The following F5 variants were observed in gnomAD, a reference collection of about 807,000 sequenced individuals.
F5 encodes the protein coagulation factor V.
A neutral mutation model predicts 216.4 loss-of-function variants in F5; 138 were observed. The ratio of observed to expected loss-of-function variants is 0.64; its 90% CI spans 0.56 to 0.73. The LOEUF is 0.73. Ranked by LOEUF, F5 falls within the 30% of genes least tolerant of loss-of-function variation. The pLI is 0.00. For synonymous variants in F5, 916 were observed against 930.7 expected (o/e 0.98, Z 0.29); for missense variants, 2,403 against 2,674.0 (o/e 0.90, Z 2.24).
intron 10 of F5, among the ~76,000 whole-genome samples, chr1:169,547,650 G>A (rs528312271): frequency 1.6e-4 from 25 of 151,824 alleles, no homozygotes; most frequent in Non-Finnish European, 2.5e-4. Flanking sequence ...ATACCATCTC[G>A]CACCAATAAG....
rs1023893069 is a variant in F5, at chr1:169,512,674, T to C, written c.*1639A>G. 1.3e-5 allele frequency among the ~76,000 whole-genome samples: 2 copies of C among 151,964 alleles called. No individual in the cohort carries two copies. Among genetic ancestry groups the C allele is most frequent in the African/African-American group, 4.8e-5 (2 of 41,392 alleles). On this transcript the variant is annotated 3_prime_UTR_variant, in exon 25 of 25. Transcript: ENST00000367797. ...AATCTTAGAAATGTTGATGGGACAA[T>C]GACATGAATCATGAAAAGAAAGGAA...
In F5 at chr1:169,586,255, G is replaced by A; in HGVS notation, c.132C>T (p.Ser44=). The A allele has an allele frequency of 6.2e-7, 1 of 1,614,166 alleles. No individual in the cohort carries two copies. The highest frequency in any genetic ancestry group is 1.3e-5 in the African/African-American group (1 of 75,048). ...TTGAGTTTGTGGGCTCAGGTCGGTA[G>A]CTCCAACTGATGCCCTGAGCAGCCA... The part of the protein sequence containing the change: ...FYVAAQGISW[S]YRPEPTNSSL... The change falls in exon 1 of 25, where the codon AGC becomes AGT. Residue 44 remains serine, a synonymous_variant. Coordinates refer to ENST00000367797, the MANE Select transcript of F5 (RefSeq NM_000130.5).
chr1:169,522,048 C>T (rs1432896967), intron 21 of F5, among the ~76,000 whole-genome samples: 1 of 152,044 alleles, frequency 6.6e-6, no homozygotes, highest in Non-Finnish European at 1.5e-5. Flanking sequence ...AGGGAATATA[C>T]AAACAACTCT....
At chr1:169,567,270 T>G (rs1660624197) in intron 3 of F5, among the ~76,000 whole-genome samples, 1 of 151,906 alleles carries the variant, frequency 6.6e-6, no homozygotes, top group African/African-American at 2.4e-5. Context: ...CATTGGGAGA[T>G]ATACCTAATG....
rs766618784 is a variant in F5 at position 169,541,621 on chromosome 1, G to A, written c.3469C>T (p.Leu1157Phe). The change falls in exon 13 of 25, where the codon CTT (leucine) becomes TTT (phenylalanine). Residue 1157 changes from leucine (L) to phenylalanine (F), a missense_variant. By Grantham distance (22) the Leu-to-Phe change is conservative (BLOSUM62 0). This residue lies in a region of F5 where 1,425 missense variants were observed against 1,554.8 expected (regional missense o/e 0.92). Transcript: ENST00000367797. The part of the protein sequence containing the change: ...RSSSPELSEM[L>F]EYDRSHKSFP... ...GACTTGTGACTTCGGTCATACTCAA[G>A]CATTTCACTGAGCTCTGGAGAAGAG... 3.1e-6 allele frequency: 5 copies of A among 1,614,142 alleles called. No individual in the cohort carries two copies. The highest frequency in any genetic ancestry group is 4.2e-6 in the Non-Finnish European group (5 of 1,179,996).
In F5 at chr1:169,550,122, CTTTTA is replaced by C. The variant is rs367639184; in HGVS notation, c.1397-112_1397-108del. The C allele has an allele frequency of 1.2e-4, 104 of 893,252 alleles. 1 individual carries two copies. In the South Asian group the frequency reaches 1.5e-3, roughly 13 times the overall value. The allele number at this position is 893,252 out of a possible 1,614,324, so 55.3% of individuals were successfully genotyped here. On this transcript the variant is annotated intron_variant, in intron 9 of 24. Coordinates refer to ENST00000367797, the MANE Select transcript of F5 (RefSeq NM_000130.5). The stretch of plus-strand genomic sequence containing the variant: ...ACCAATTAATATTGCAAAAGGAATT[CTTTTA>C]TTTTTATTTTTTTTAAATTATACTT...
chr1:169,546,351 A>T, intron 11 of F5, 91 bp downstream of exon 11: 1 of 1,504,504 alleles, frequency 6.6e-7, no homozygotes, highest in Non-Finnish European at 9.2e-7. Context: ...CTTAGCGAGT[A>T]GATTTTAATC....
intron 24 of F5, 151 bp downstream of exon 24, chr1:169,515,293 T>C (rs1400651168): frequency 2.1e-6 from 2 of 946,170 alleles, no homozygotes; most frequent in Non-Finnish European, 3.3e-6. Context: ...CAACCAGGAG[T>C]TTGTCTGAGA....
At chr1:169,555,753 C>T (rs76340745) in intron 6 of F5, among the ~76,000 whole-genome samples, 3,080 of 151,178 alleles carry the variant, frequency 0.02, 107 homozygotes, top group African/African-American at 0.071. Flanking sequence ...ATATTAATAA[C>T]AATACATAAT....
At chr1:169,573,738 C>A (rs1363131058) in intron 2 of F5, among the ~76,000 whole-genome samples, 1 of 152,176 alleles carries the variant, frequency 6.6e-6, no homozygotes, top group African/African-American at 2.4e-5. Flanking sequence ...AGTCCCTGTA[C>A]TGAAGGAACT....
chr1:169,578,315 C>T (rs907362298), intron 2 of F5, among the ~76,000 whole-genome samples: 2 of 152,200 alleles, frequency 1.3e-5, no homozygotes, highest in East Asian at 1.9e-4. Context: ...AAATTGGAGA[C>T]TGTTCTCACC....
intron 14 of F5, among the ~76,000 whole-genome samples, chr1:169,533,600 C>T (rs1659638204): frequency 6.6e-6 from 1 of 152,082 alleles, no homozygotes; most frequent in Non-Finnish European, 1.5e-5. Context: ...TGAACAGATA[C>T]TTATCAAAAG....
chr1:169,553,431 G>T (rs1660222540), intron 7 of F5, among the ~76,000 whole-genome samples: 1 of 152,212 alleles, frequency 6.6e-6, no homozygotes, highest in Non-Finnish European at 1.5e-5. Flanking sequence ...CAATGAGGCC[G>T]GGCGCGGTGG....
At chr1:169,564,231 C>G (rs968912017) in intron 3 of F5, among the ~76,000 whole-genome samples, 4 of 152,076 alleles carry the variant, frequency 2.6e-5, no homozygotes, top group African/African-American at 9.7e-5. Context: ...TTTTCTTACC[C>G]TCAGTACTTT....
Position 169,527,917 on chromosome 1 carries a change from G to A in F5, c.5597C>T (p.Pro1866Leu). The part of the protein sequence containing the change: ...QHQLGVWPLL[P>L]GSFKTLEMKA... Reference sequence around the variant, plus strand: ...TCTTCCCATTACCCAATCTTTACCAGGCAGAAGGGGCCAGACCCCTAACTG... The same window carrying A: ...TCTTCCCATTACCCAATCTTTACCAAGCAGAAGGGGCCAGACCCCTAACTG... The change falls in exon 17 of 25, where the codon CCT becomes CTT. Residue 1866 changes from proline (P) to leucine (L), a missense_variant and splice_region_variant. Physicochemically the swap from Pro to Leu is moderately conservative, Grantham distance 98 (BLOSUM62 -3). Coordinates refer to ENST00000367797, the MANE Select transcript of F5 (RefSeq NM_000130.5). 6.2e-7 allele frequency: 1 copy of A among 1,613,292 alleles called. No homozygotes were observed.
chr1:169,570,630 T>C (rs1660701616), intron 3 of F5, among the ~76,000 whole-genome samples: 1 of 152,168 alleles, frequency 6.6e-6, no homozygotes, highest in Non-Finnish European at 1.5e-5. Flanking sequence ...ATTGACCTAT[T>C]ATCAGTCACT....
chr1:169,520,239 T>C lies in F5; in HGVS notation c.6193+281A>G, dbSNP rs9332660. On this transcript the variant is annotated intron_variant, in intron 22 of 24. Coordinates refer to ENST00000367797, the MANE Select transcript of F5 (RefSeq NM_000130.5). ...GTAGGTCTTATTGAAAATGGGCTGA[T>C]GGAGGTAATTCCAAATTAGAGCCCT... is the stretch of plus-strand genomic sequence containing the variant. 8.8e-3 allele frequency among the ~76,000 whole-genome samples: 1,340 copies of C among 152,300 alleles called. 7 individuals carry two copies. The highest frequency in any genetic ancestry group is 0.015 in the Non-Finnish European group (998 of 68,010).
At position 169,542,872 on chromosome 1, in the gene F5, G is replaced by T. The variant is rs757953549; in HGVS notation, c.2218C>A (p.Arg740=). 13 of 1,613,968 alleles carry T rather than the reference G, an allele frequency of 8.1e-6. No individual in the cohort carries two copies. Among genetic ancestry groups the T allele is most frequent in the Middle Eastern group, 1.6e-4 (1 of 6,084 alleles). Residue 740 remains arginine, a synonymous_variant, in exon 13 of 25, where the codon CGA becomes AGA. Coordinates refer to ENST00000367797, the MANE Select transcript of F5 (RefSeq NM_000130.5). ...LAAALGIRSF[R]NSSLNQEEEE... is the part of the protein sequence containing the mutation. ...TCTTCCTGATTCAATGATGAGTTTC[G>T]GAATGACCTGATTCCTAATGCTGCA...
At chr1:169,567,818 C>T (rs1336915883) in intron 3 of F5, among the ~76,000 whole-genome samples, 3 of 152,068 alleles carry the variant, frequency 2.0e-5, no homozygotes, top group Non-Finnish European at 4.4e-5. Context: ...CTCTAGGGTA[C>T]ATGTTGGTGC....
Sources: gnomAD v4.1 joint callset for allele counts (sites outside exome capture counted in the v4.1 genomes callset) on GRCh38, gnomAD v4.1.1 for gene constraint, gnomAD v4.1.1 regional missense constraint, MANE v1.5 for transcripts, NCBI Gene and HGNC (gene_info 2026-07-23, HGNC 2026-07-21) for gene names.